ATG5: variants seen among roughly 807,000 people sequenced by gnomAD.
The protein encoded by ATG5 is autophagy protein 5.
In ATG5, 14 loss-of-function variants were observed where a neutral mutation model predicts 36.5. The ratio of observed to expected loss-of-function variants is 0.38; its 90% CI spans 0.25 to 0.60. The LOEUF (loss-of-function observed/expected upper bound fraction) is 0.60, where lower values mean the gene tolerates loss of function less well. Among genes scored for constraint, ATG5 ranks in the 20% least tolerant of loss-of-function variants. The probability of loss-of-function intolerance (pLI) is 0.60; values close to 1 mark genes in which losing one functional copy is unlikely to be tolerated. For missense variants in ATG5, 195 were observed against 326.7 expected (o/e 0.60, Z 3.11); for synonymous variants, 95 against 101.5 (o/e 0.94, Z 0.38).
chr6:106,196,158 T>C (rs1457462558), intron 7 of ATG5, among the ~76,000 whole-genome samples: 1 of 152,054 alleles, frequency 6.6e-6, no homozygotes, highest in Non-Finnish European at 1.5e-5. Flanking sequence ...ATAAAAACAG[T>C]AGACACTCAG....
chr6:106,265,541 A>G (rs1779194454), intron 5 of ATG5, among the ~76,000 whole-genome samples: 1 of 152,218 alleles, frequency 6.6e-6, no homozygotes, highest in South Asian at 2.1e-4. Context: ...CCAAATCAAC[A>G]GAATACACAT....
rs542409280 is a variant in ATG5 at position 106,325,639 on chromosome 6, G to A, written c.-172C>T. ...TGCCCGCCTGACACACTGTCCTGCG[G>A]GGACGCGGTAGCAGGACTCCAGGAA... On this transcript the variant is annotated 5_prime_UTR_variant, in exon 1 of 8. Transcript: ENST00000369076. The A allele has an allele frequency of 7.2e-5, 11 of 152,992 alleles. No homozygotes were observed. The highest frequency in any genetic ancestry group is 2.4e-4 in the African/African-American group (10 of 41,592). The allele number at this position is 152,992 out of a possible 1,614,324, so 9.5% of individuals were successfully genotyped here. A position where few individuals can be genotyped will look rare whatever the true frequency, so the allele number is the denominator to read the frequency against.
chr6:106,222,157 G>A (rs1250054579), intron 6 of ATG5, among the ~76,000 whole-genome samples: 1 of 152,200 alleles, frequency 6.6e-6, no homozygotes, highest in African/African-American at 2.4e-5. Flanking sequence ...ACATGCGTGA[G>A]CCACTGCGTC....
chr6:106,285,101 T>C (rs371985126), intron 4 of ATG5, among the ~76,000 whole-genome samples: 14 of 152,314 alleles, frequency 9.2e-5, no homozygotes, highest in East Asian at 5.8e-4. Context: ...TTTTCCTCTA[T>C]ACCAATTTCC....
At chr6:106,291,087 T>C (rs1780288810) in intron 4 of ATG5, among the ~76,000 whole-genome samples, 1 of 152,174 alleles carries the variant, frequency 6.6e-6, no homozygotes. Flanking sequence ...AATAATGGTG[T>C]TTCATAAAAA....
intron 3 of ATG5, among the ~76,000 whole-genome samples, chr6:106,303,935 A>T (rs958751045): frequency 6.6e-6 from 1 of 151,736 alleles, no homozygotes; most frequent in Non-Finnish European, 1.5e-5. Context: ...CACCACTCTT[A>T]TCCAACACAG....
At chr6:106,264,094 T>C (rs182912758) in intron 5 of ATG5, among the ~76,000 whole-genome samples, 9 of 152,200 alleles carry the variant, frequency 5.9e-5, no homozygotes, top group African/African-American at 1.7e-4. Flanking sequence ...CTAAGAATCT[T>C]GATAAAAGGT....
At chr6:106,285,123 C>T (rs1257702339) in intron 4 of ATG5, among the ~76,000 whole-genome samples, 1 of 152,182 alleles carries the variant, frequency 6.6e-6, no homozygotes, top group Non-Finnish European at 1.5e-5. Context: ...TCTCTCTATT[C>T]TCCAAACTGG....
At position 106,308,505 on chromosome 6, in the gene ATG5, T is replaced by A; in HGVS notation, c.109-14A>T. 6.5e-7 allele frequency: 1 copy of A among 1,532,286 alleles called. No individual in the cohort carries two copies. Among genetic ancestry groups the A allele is most frequent in the Non-Finnish European group, 8.8e-7 (1 of 1,139,662 alleles). 94.9% of individuals were successfully genotyped at this position (1,532,286 alleles called of 1,614,324 possible). A position where few individuals can be genotyped will look rare whatever the true frequency, so the allele number is the denominator to read the frequency against. On this transcript the variant is annotated splice_polypyrimidine_tract_variant and intron_variant, in intron 2 of 7. Coordinates refer to ENST00000369076, the MANE Select transcript of ATG5 (RefSeq NM_004849.4). Reference sequence around the variant, plus strand: ...TGGCAAAAGCAACTGAAATGAAAATTTGTAAAACCGTATTTATTTACTAGT... The same window carrying A: ...TGGCAAAAGCAACTGAAATGAAAATATGTAAAACCGTATTTATTTACTAGT...
At position 106,279,806 on chromosome 6, in the gene ATG5, G is replaced by T. The variant is rs1779805723; in HGVS notation, c.333C>A (p.Asp111Glu). Residue 111 changes from aspartate to glutamate, a missense_variant, in exon 5 of 8, where the codon GAC (aspartate) becomes GAA (glutamate). Transcript: ENST00000369076. ...TVHFKSFPEK[D>E]LLHCPSKDAI... The stretch of plus-strand genomic sequence containing the variant: ...CATCCTTAGATGGACAGTGCAGAAG[G>T]TCTTTTTCTGGAAAACTCTATCAAA... 4.6e-6 allele frequency: 7 copies of T among 1,518,158 alleles called. No homozygotes were observed. The African/African-American group carries it at 8.4e-5, about 18-fold the overall frequency. 94.0% of individuals were successfully genotyped at this position (1,518,158 alleles called of 1,614,324 possible). A position where few individuals can be genotyped will look rare whatever the true frequency, so the allele number is the denominator to read the frequency against.
intron 6 of ATG5, among the ~76,000 whole-genome samples, chr6:106,218,992 A>G (rs1338427522): frequency 1.3e-5 from 2 of 150,782 alleles, no homozygotes; most frequent in Non-Finnish European, 3.0e-5. Context: ...AAAGTGGGAG[A>G]AAAATGTAAA....
At chr6:106,251,593 A>T (rs962467987) in intron 5 of ATG5, among the ~76,000 whole-genome samples, 1 of 45,170 alleles carries the variant, frequency 2.2e-5, no homozygotes, top group Non-Finnish European at 4.3e-5. Flanking sequence ...TTCTTATATT[A>T]AAAAGGTATT....
At chr6:106,314,261 T>C (rs1423521048) in intron 2 of ATG5, among the ~76,000 whole-genome samples, 2 of 152,218 alleles carry the variant, frequency 1.3e-5, no homozygotes, top group Non-Finnish European at 2.9e-5. Context: ...TAGAGTTTGA[T>C]TTAAAAGTAA....
At chr6:106,194,335 A>ATAATATATATATTATCAT (rs1776088677) in intron 7 of ATG5, among the ~76,000 whole-genome samples, 1 of 152,106 alleles carries the variant, frequency 6.6e-6, no homozygotes, top group Non-Finnish European at 1.5e-5. Context: ...TCAAATCACG[A>ATAATATATATATTATCAT]GATACTAACA....
At chr6:106,299,562 T>C (rs1332471686) in intron 3 of ATG5, among the ~76,000 whole-genome samples, 3 of 152,198 alleles carry the variant, frequency 2.0e-5, no homozygotes, top group Non-Finnish European at 4.4e-5. Context: ...TTTTTACACT[T>C]TGTTCTTTTT....
chr6:106,195,879 G>A (rs996971450), intron 7 of ATG5, among the ~76,000 whole-genome samples: 2 of 148,982 alleles, frequency 1.3e-5, no homozygotes, highest in East Asian at 2.0e-4. Context: ...GGATGTACAC[G>A]TAGAGCAGCC....
At chr6:106,199,585 G>T (rs1776340819) in intron 7 of ATG5, among the ~76,000 whole-genome samples, 1 of 152,126 alleles carries the variant, frequency 6.6e-6, no homozygotes, top group Admixed American at 6.5e-5. Context: ...GTAAGTACAA[G>T]GAGATGGAAA....
chr6:106,262,212 A>G (rs1164309506), intron 5 of ATG5, among the ~76,000 whole-genome samples: 5 of 152,156 alleles, frequency 3.3e-5, no homozygotes, highest in African/African-American at 1.2e-4. Flanking sequence ...AGCTCGGATT[A>G]GAGGCGTGTG....
intron 5 of ATG5, among the ~76,000 whole-genome samples, chr6:106,275,029 G>T (rs1244916862): frequency 6.6e-6 from 1 of 152,214 alleles, no homozygotes; most frequent in African/African-American, 2.4e-5. Flanking sequence ...ATCAGTGCTG[G>T]ATGATCACTA....
Sources: allele counts gnomAD v4.1 joint callset (sites outside exome capture counted in the v4.1 genomes callset), GRCh38; gene constraint gnomAD v4.1.1; transcripts MANE v1.5; gene names NCBI Gene and HGNC (gene_info 2026-07-23, HGNC 2026-07-21).